Variants in IQUB observed in about 807,000 individuals in gnomAD.
IQUB encodes IQ motif and ubiquitin domain containing.
IQUB carries 86 observed loss-of-function variants against 86.4 expected under a neutral mutation model. The ratio of observed to expected loss-of-function variants is 1.00; its 90% CI spans 0.84 to 1.19. The LOEUF (loss-of-function observed/expected upper bound fraction) is 1.19, where lower values mean the gene tolerates loss of function less well. Among genes scored for constraint, IQUB ranks in the 50% most tolerant of loss-of-function variants. The pLI, the probability that IQUB is intolerant of heterozygous loss-of-function variation, is 0.00. For missense variants in IQUB, 946 were observed against 916.9 expected (o/e 1.03, Z -0.41); for synonymous variants, 289 against 304.5 (o/e 0.95, Z 0.53).
chr7:123,502,276 G>A (rs1795980409), intron 6 of IQUB: 4 of 263,710 alleles, frequency 1.5e-5, no homozygotes, highest in African/African-American at 4.6e-5. Flanking sequence ...AATTAGTCTC[G>A]AAAGTTCCCT....
Position 123,452,819 on chromosome 7 carries a change from T to C in IQUB, c.2300A>G (p.Glu767Gly), listed in dbSNP as rs1793489388. The change falls in exon 13 of 13, where the codon GAA (glutamate) becomes GGA (glycine). Residue 767 changes from glutamate to glycine, a missense_variant. Physicochemically the swap from Glu to Gly is moderately conservative, Grantham distance 98. Coordinates refer to ENST00000324698, the MANE Select transcript of IQUB (RefSeq NM_178827.5). ...ATACTTCCATCTGATCTCATCAATT[T>C]CACCATCATCAAGTATAAATGAAGC... ...VLASFILDDG[E>G]IDEIRWKYHS... The C allele has an allele frequency of 6.2e-7, 1 of 1,613,512 alleles. No individual in the cohort carries two copies. Among genetic ancestry groups the C allele is most frequent in the African/African-American group, 1.3e-5 (1 of 74,880 alleles).
At position 123,511,952 on chromosome 7, in the gene IQUB, A is replaced by G; in HGVS notation, c.389T>C (p.Leu130Pro). 6.3e-7 allele frequency: 1 copy of G among 1,598,598 alleles called. No homozygotes were observed. The highest frequency in any genetic ancestry group is 1.7e-5 in the Admixed American group (1 of 59,404). The change falls in exon 2 of 13, where the codon CTA becomes CCA. Residue 130 changes from leucine (L) to proline (P), a missense_variant. Coordinates refer to ENST00000324698, the MANE Select transcript of IQUB (RefSeq NM_178827.5). ...TCTTCCTTAGGTAGTACCTGTTGCT[A>G]GAGAATCTTCCACTGATTCTTGCAA... ...ESLQESVEDS[L>P]ATVKVVLIPV... is the part of the protein sequence containing the mutation.
At position 123,496,829 on chromosome 7, in the gene IQUB, T is replaced by C; in HGVS notation, c.1101A>G (p.Leu367=). 1.2e-6 allele frequency: 2 copies of C among 1,612,940 alleles called. No individual in the cohort carries two copies. Among genetic ancestry groups the C allele is most frequent in the Non-Finnish European group, 1.7e-6 (2 of 1,179,424 alleles). The change falls in exon 7 of 13, where the codon TTA becomes TTG. Residue 367 remains leucine, a synonymous_variant. Coordinates refer to ENST00000324698, the MANE Select transcript of IQUB (RefSeq NM_178827.5). Reference sequence around the variant, plus strand: ...CTTGCTGTGTTTCCCATTCCAGTCTTAAGCTTTTCTGTCTTCTTAAATTCT... The same window carrying C: ...CTTGCTGTGTTTCCCATTCCAGTCTCAAGCTTTTCTGTCTTCTTAAATTCT... The part of the protein sequence containing the change: ...FVENLRRQKS[L]RLEWETQQEL...
chr7:123,473,725 G>A (rs369702926), intron 8 of IQUB, among the ~76,000 whole-genome samples: 2 of 150,576 alleles, frequency 1.3e-5, no homozygotes, highest in African/African-American at 2.4e-5. Context: ...ACAGGCACCC[G>A]CCACAATGCC....
intron 9 of IQUB, among the ~76,000 whole-genome samples, chr7:123,465,996 C>G (rs1266357848): frequency 5.9e-5 from 9 of 151,924 alleles, no homozygotes; most frequent in African/African-American, 2.4e-5. Flanking sequence ...TAACTATCAT[C>G]AAAATAACAC....
At chr7:123,472,802 G>A (rs1525629) in intron 8 of IQUB, among the ~76,000 whole-genome samples, 49,556 of 152,126 alleles carry the variant, frequency 0.33, 8,323 homozygotes, top group African/African-American at 0.4. Context: ...TAACTCTGAC[G>A]CAGGAAAAAT....
chr7:123,472,477 G>A (rs557068266), intron 8 of IQUB, among the ~76,000 whole-genome samples: 102 of 152,122 alleles, frequency 6.7e-4, no homozygotes, highest in South Asian at 1.9e-3. Context: ...TGAGTAATTA[G>A]AAAAAAAGAT....
intron 11 of IQUB, among the ~76,000 whole-genome samples, chr7:123,460,046 G>T (rs1793909681): frequency 1.3e-5 from 2 of 151,816 alleles, no homozygotes; most frequent in African/African-American, 2.4e-5. Flanking sequence ...ACACTATTTT[G>T]GAAACTTTTA....
At chr7:123,479,659 T>C in intron 8 of IQUB, 136 bp downstream of exon 8, 1 of 664,784 alleles carries the variant, frequency 1.5e-6, no homozygotes. Flanking sequence ...ATAAATCAAA[T>C]TTTAAGAAAT....
rs751754459 is a variant in IQUB, at chr7:123,461,617, G to GT, written c.1759-13dup. Reference sequence around the variant, plus strand: ...GGGTCTTGAGGGACCTAAATAAATAGTAAAAAAAGAAAAAAAAGGTCTAAA... The same window carrying GT: ...GGGTCTTGAGGGACCTAAATAAATAGTTAAAAAAAGAAAAAAAAGGTCTAAA... On this transcript the variant is annotated splice_polypyrimidine_tract_variant and intron_variant, in intron 10 of 12. Coordinates refer to ENST00000324698, the MANE Select transcript of IQUB (RefSeq NM_178827.5). 4 of 1,539,312 alleles carry GT rather than the reference G, an allele frequency of 2.6e-6. No homozygotes were observed. The highest frequency in any genetic ancestry group is 2.1e-5 in the Admixed American group (1 of 47,130).
chr7:123,484,620 G>A (rs1295312589), intron 7 of IQUB, among the ~76,000 whole-genome samples: 3 of 151,770 alleles, frequency 2.0e-5, no homozygotes, highest in African/African-American at 7.3e-5. Flanking sequence ...TATTATTTTA[G>A]CTATTCTCAA....
chr7:123,462,463 T>A lies in IQUB; in HGVS notation c.1759-858A>T, dbSNP rs551700552. Among the ~76,000 whole-genome samples, 7 of 151,918 alleles carry A rather than the reference T, an allele frequency of 4.6e-5. No homozygotes were observed. In the Middle Eastern group the frequency reaches 0.01, roughly 221 times the overall value. ...TGTTACCTTTCTGCACCTTCCCCTC[T>A]ACTCTGCGTTACTTTTCCTAAACAC... On this transcript the variant is annotated intron_variant, in intron 10 of 12. Coordinates refer to ENST00000324698, the MANE Select transcript of IQUB (RefSeq NM_178827.5).
At chr7:123,494,610 T>C (rs1238074020) in intron 7 of IQUB, among the ~76,000 whole-genome samples, 1 of 152,178 alleles carries the variant, frequency 6.6e-6, no homozygotes, top group Non-Finnish European at 1.5e-5. Flanking sequence ...AAATCATATG[T>C]GGACTTATAT....
At chr7:123,493,269 C>T (rs576141387) in intron 7 of IQUB, among the ~76,000 whole-genome samples, 1 of 152,068 alleles carries the variant, frequency 6.6e-6, no homozygotes, top group African/African-American at 2.4e-5. Context: ...ATAACACAAC[C>T]TACCCACCCC....
At chr7:123,455,780 A>C (rs1271798473) in intron 12 of IQUB, among the ~76,000 whole-genome samples, 1 of 152,052 alleles carries the variant, frequency 6.6e-6, no homozygotes, top group Non-Finnish European at 1.5e-5. Context: ...TTTTAATGTA[A>C]AGTTGTCAGT....
At chr7:123,504,548 A>G (rs933176645) in intron 3 of IQUB, among the ~76,000 whole-genome samples, 5 of 152,254 alleles carry the variant, frequency 3.3e-5, no homozygotes, top group Admixed American at 3.3e-4. Flanking sequence ...GAAGGTGAAG[A>G]GGAAGAAGGC....
At chr7:123,529,890 G>A (rs928004148) in intron 1 of IQUB, among the ~76,000 whole-genome samples, 3 of 151,996 alleles carry the variant, frequency 2.0e-5, no homozygotes, top group Non-Finnish European at 4.4e-5. Context: ...AAAATTAGCT[G>A]GGCGTGGTGG....
At chr7:123,482,638 CA>C (rs1229717914) in intron 7 of IQUB, among the ~76,000 whole-genome samples, 1 of 152,062 alleles carries the variant, frequency 6.6e-6, no homozygotes, top group African/African-American at 2.4e-5. Flanking sequence ...ACCAAAATTT[CA>C]GCAAGGGAAA....
chr7:123,510,156 C>T (rs750779293), intron 2 of IQUB, 121 bp from the exon 3 acceptor site: 15 of 641,406 alleles, frequency 2.3e-5, no homozygotes, highest in Non-Finnish European at 3.4e-5. Context: ...ACAAGTTGTT[C>T]TTGCTAGTGT....
Sources: allele counts gnomAD v4.1 joint callset (sites outside exome capture counted in the v4.1 genomes callset), GRCh38; gene constraint gnomAD v4.1.1; transcripts MANE v1.5; gene names NCBI Gene and HGNC (gene_info 2026-07-23, HGNC 2026-07-21).